The following PDIA5 variants were observed in gnomAD, a reference collection of about 807,000 sequenced individuals.
The protein encoded by PDIA5 is protein disulfide isomerase family A member 5.
A neutral mutation model predicts 77.6 loss-of-function variants in PDIA5; 58 were observed. That is an observed-to-expected ratio of 0.75 (90% CI 0.61 to 0.93). The LOEUF is 0.93. Ranked by LOEUF, PDIA5 falls within the 40% of genes least tolerant of loss-of-function variation. The pLI, the probability that PDIA5 is intolerant of heterozygous loss-of-function variation, is 0.00. For missense variants in PDIA5, 630 were observed against 647.7 expected (o/e 0.97, Z 0.30); for synonymous variants, 250 against 252.1 (o/e 0.99, Z 0.08).
chr3:123,148,493 C>T (rs536817524), intron 13 of PDIA5, among the ~76,000 whole-genome samples: 53 of 151,652 alleles, frequency 3.5e-4, no homozygotes, highest in African/African-American at 6.3e-4. Context: ...TGCTTGAAGC[C>T]GGGAGGTTGA....
At chr3:123,114,889 TGTGTGA>T (rs1934957256) in intron 7 of PDIA5, among the ~76,000 whole-genome samples, 1 of 152,054 alleles carries the variant, frequency 6.6e-6, no homozygotes, top group Admixed American at 6.6e-5. Context: ...TACTGGGGTG[TGTGTGA>T]GTCCATCTGT....
chr3:123,116,147 G>C, intron 7 of PDIA5, 84 bp from the exon 8 acceptor site: 1 of 1,051,780 alleles, frequency 9.5e-7, no homozygotes, highest in Non-Finnish European at 1.5e-6. Flanking sequence ...GTTGGGTAGA[G>C]GATGGCCATG....
intron 3 of PDIA5, among the ~76,000 whole-genome samples, chr3:123,097,975 C>G (rs116525619): frequency 0.011 from 1,687 of 152,194 alleles, 32 homozygotes; most frequent in African/African-American, 0.038. Context: ...AGCGTGGTCT[C>G]CCGTGGACAT....
At chr3:123,128,447 T>C (rs901633795) in intron 10 of PDIA5, among the ~76,000 whole-genome samples, 1 of 152,192 alleles carries the variant, frequency 6.6e-6, no homozygotes, top group Non-Finnish European at 1.5e-5. Flanking sequence ...CTTGCTTGAC[T>C]TTTTAAAAAT....
chr3:123,092,233 C>T (rs1934308806), intron 2 of PDIA5, 122 bp from the exon 3 acceptor site: 1 of 727,592 alleles, frequency 1.4e-6, no homozygotes, highest in African/African-American at 1.8e-5. Context: ...TTACCTGGTG[C>T]TCAGGACTTC....
At chr3:123,108,526 C>T (rs537071010) in intron 6 of PDIA5, among the ~76,000 whole-genome samples, 6 of 150,242 alleles carry the variant, frequency 4.0e-5, no homozygotes, top group South Asian at 4.2e-4. Context: ...GTGATCCACC[C>T]GCCTCGGCCT....
intron 8 of PDIA5, among the ~76,000 whole-genome samples, chr3:123,119,995 G>A (rs1397035762): frequency 6.6e-6 from 1 of 152,162 alleles, no homozygotes; most frequent in East Asian, 1.9e-4. Flanking sequence ...TGTCATTGAC[G>A]TCTGGTGACT....
intron 1 of PDIA5, among the ~76,000 whole-genome samples, chr3:123,072,942 GTA>G (rs58035073): frequency 1.2e-4 from 17 of 146,126 alleles, no homozygotes; most frequent in African/African-American, 3.8e-4. Context: ...GTGTGTGTGT[GTA>G]TGTGGTGTTG....
At position 123,149,627 on chromosome 3, in the gene PDIA5, G is replaced by A. The variant is rs1186880722; in HGVS notation, c.1143-607G>A. On this transcript the variant is annotated intron_variant, in intron 13 of 16. Transcript: ENST00000316218. The stretch of plus-strand genomic sequence containing the variant: ...GCCTGGCATTTATTAGAGCATCTAG[G>A]CTCTCAGTAAATATTAGTTCCTTGA... Among the ~76,000 whole-genome samples, 3 of 152,184 alleles carry A rather than the reference G, an allele frequency of 2.0e-5. No individual in the cohort carries two copies. In the East Asian group the frequency reaches 5.8e-4, roughly 29 times the overall value.
intron 3 of PDIA5, among the ~76,000 whole-genome samples, chr3:123,101,510 C>T (rs533086080): frequency 1.3e-5 from 2 of 152,304 alleles, no homozygotes; most frequent in South Asian, 4.1e-4. Context: ...CTCCTTTAAC[C>T]ACAGCCTGGC....
chr3:123,082,526 T>G lies in PDIA5; in HGVS notation c.43-6642T>G, dbSNP rs555846370. ...TGTGACCTCTTGGTCTGGGTCGCTG[T>G]GCAGCTGGTGATGATTTGAGGTTTT... On this transcript the variant is annotated intron_variant, in intron 1 of 16. Coordinates refer to ENST00000316218, the MANE Select transcript of PDIA5 (RefSeq NM_006810.4). 2.0e-5 allele frequency among the ~76,000 whole-genome samples: 3 copies of G among 152,116 alleles called. 1 individual carries two copies. Among genetic ancestry groups the G allele is most frequent in the African/African-American group, 7.2e-5 (3 of 41,520 alleles).
At chr3:123,154,226 A>T (rs1041701548) in intron 14 of PDIA5, among the ~76,000 whole-genome samples, 1 of 152,152 alleles carries the variant, frequency 6.6e-6, no homozygotes, top group Non-Finnish European at 1.5e-5. Flanking sequence ...TAGGGGCCCC[A>T]GTATAGCTCA....
chr3:123,071,931 T>C (rs904577702), intron 1 of PDIA5, among the ~76,000 whole-genome samples: 3 of 152,064 alleles, frequency 2.0e-5, no homozygotes, highest in African/African-American at 7.2e-5. Flanking sequence ...AAATGAGGAA[T>C]GATAGGCCAG....
intron 11 of PDIA5, among the ~76,000 whole-genome samples, chr3:123,134,327 AGGGTCTT>A (rs1935441864): frequency 6.6e-6 from 1 of 152,186 alleles, no homozygotes; most frequent in Non-Finnish European, 1.5e-5. Flanking sequence ...AGGAAGGGAA[AGGGTCTT>A]CAGCTTTCCT....
intron 10 of PDIA5, among the ~76,000 whole-genome samples, chr3:123,124,658 G>A (rs529610990): frequency 6.6e-6 from 1 of 152,298 alleles, no homozygotes; most frequent in East Asian, 1.9e-4. Context: ...GCCTAAGCCT[G>A]TCAGCTCTTC....
chr3:123,114,968 T>G (rs1453642553), intron 7 of PDIA5, among the ~76,000 whole-genome samples: 14 of 152,156 alleles, frequency 9.2e-5, no homozygotes, highest in Non-Finnish European at 1.9e-4. Flanking sequence ...AAATGTCCTG[T>G]GTCTGCATCT....
chr3:123,110,954 GGCTCCTGAAGAAGGAAGAGAAGCC>G lies in PDIA5; in HGVS notation c.500_523del (p.Lys167_Leu174del). 6.2e-7 allele frequency: 1 copy of G among 1,613,772 alleles called. No homozygotes were observed. The highest frequency in any genetic ancestry group is 8.5e-7 in the Non-Finnish European group (1 of 1,179,746). ...CTTTTTGTGCCTCAGGACTTCAGAC[GGCTCCTGAAGAAGGAAGAGAAGCC>G]GCTCCTGATCATGTTTTATGCCCCC... On this transcript the variant is annotated inframe_deletion, in exon 7 of 17. Coordinates refer to ENST00000316218, the MANE Select transcript of PDIA5 (RefSeq NM_006810.4).
intron 1 of PDIA5, 54 bp downstream of exon 1, chr3:123,067,260 C>G: frequency 8.3e-7 from 1 of 1,209,910 alleles, no homozygotes. Context: ...TCCCGCGTGC[C>G]CTTCTGCGCT....
At chr3:123,131,327 G>A (rs1935365449) in intron 11 of PDIA5, among the ~76,000 whole-genome samples, 1 of 151,938 alleles carries the variant, frequency 6.6e-6, no homozygotes, top group African/African-American at 2.4e-5. Context: ...GGCTGAGGCA[G>A]GAGAATCGCT....
Sources: gnomAD v4.1 joint callset for allele counts (sites outside exome capture counted in the v4.1 genomes callset) on GRCh38, gnomAD v4.1.1 for gene constraint, MANE v1.5 for transcripts, NCBI Gene and HGNC (gene_info 2026-07-23, HGNC 2026-07-21) for gene names.